FHIT: variants seen among roughly 807,000 people sequenced by gnomAD.
FHIT encodes the protein bis(5'-adenosyl)-triphosphatase.
A neutral mutation model predicts 17.9 loss-of-function variants in FHIT; 19 were observed. That is an observed-to-expected ratio of 1.06 (90% CI 0.74 to 1.56). The LOEUF is 1.56. FHIT is among the 40% of genes most tolerant of loss of function. The pLI is 0.00. For synonymous variants in FHIT, 81 were observed against 69.7 expected (o/e 1.16, Z -0.81); for missense variants, 248 against 189.2 (o/e 1.31, Z -1.82).
chr3:60,339,898 A>G (rs1710432572), intron 5 of FHIT, among the ~76,000 whole-genome samples: 1 of 152,074 alleles, frequency 6.6e-6, no homozygotes, highest in African/African-American at 2.4e-5. Flanking sequence ...TTTTTTTTTA[A>G]AGGCTTAGAA....
chr3:61,223,262 C>T (rs1266213398), intron 1 of FHIT, among the ~76,000 whole-genome samples: 1 of 152,132 alleles, frequency 6.6e-6, no homozygotes, highest in Non-Finnish European at 1.5e-5. Context: ...ATAGGCCAAG[C>T]AGCAGAACAG....
intron 5 of FHIT, among the ~76,000 whole-genome samples, chr3:60,126,060 G>A (rs528138713): frequency 4.6e-5 from 7 of 152,214 alleles, no homozygotes; most frequent in African/African-American, 1.4e-4. Context: ...TGGCCAGTGA[G>A]GGCTTCATAA....
intron 7 of FHIT, among the ~76,000 whole-genome samples, chr3:59,972,290 G>A (rs1458304714): frequency 6.6e-6 from 1 of 151,970 alleles, no homozygotes; most frequent in Non-Finnish European, 1.5e-5. Flanking sequence ...TGAGACATAG[G>A]GCCACTTAAC....
At chr3:60,691,091 G>C (rs1303792149) in intron 4 of FHIT, among the ~76,000 whole-genome samples, 2 of 152,074 alleles carry the variant, frequency 1.3e-5, no homozygotes, top group East Asian at 1.9e-4. Flanking sequence ...ATGTTGCCTG[G>C]AGTACGGAAA....
At chr3:60,703,104 T>G (rs1378767971) in intron 4 of FHIT, among the ~76,000 whole-genome samples, 1 of 152,158 alleles carries the variant, frequency 6.6e-6, no homozygotes. Context: ...CAATGACTGT[T>G]GCCCTCATAA....
At chr3:60,132,964 A>T (rs578262591) in intron 5 of FHIT, among the ~76,000 whole-genome samples, 1,534 of 152,324 alleles carry the variant, frequency 0.01, 20 homozygotes, top group African/African-American at 0.034. Flanking sequence ...ATACTGAAAT[A>T]GCATCTAAAA....
intron 4 of FHIT, among the ~76,000 whole-genome samples, chr3:60,743,929 C>A (rs1386885696): frequency 6.6e-6 from 1 of 152,146 alleles, no homozygotes; most frequent in Non-Finnish European, 1.5e-5. Flanking sequence ...CCAACTTGCT[C>A]TTTGCACAGT....
At chr3:60,005,911 G>C (rs1033117756) in intron 7 of FHIT, among the ~76,000 whole-genome samples, 2 of 152,162 alleles carry the variant, frequency 1.3e-5, no homozygotes, top group Non-Finnish European at 2.9e-5. Flanking sequence ...TTTGGGTTGA[G>C]AGCAGCAGCC....
intron 4 of FHIT, among the ~76,000 whole-genome samples, chr3:60,808,995 T>G (rs1701487452): frequency 6.6e-6 from 1 of 152,328 alleles, no homozygotes; most frequent in African/African-American, 2.4e-5. Context: ...TACTTTTGCA[T>G]TTAAAATTAT....
intron 5 of FHIT, among the ~76,000 whole-genome samples, chr3:60,212,415 A>C (rs371987638): frequency 6.6e-6 from 1 of 152,206 alleles, no homozygotes; most frequent in Admixed American, 6.5e-5. Flanking sequence ...GCTAATGTAC[A>C]TGACAGCAGA....
At chr3:61,034,563 A>C (rs2033154181) in intron 3 of FHIT, among the ~76,000 whole-genome samples, 2 of 152,222 alleles carry the variant, frequency 1.3e-5, no homozygotes, top group South Asian at 4.1e-4. Context: ...GGAAATGCAA[A>C]TGAAAACCAC....
chr3:60,312,537 T>C (rs1302136242), intron 5 of FHIT, among the ~76,000 whole-genome samples: 3 of 152,216 alleles, frequency 2.0e-5, no homozygotes, highest in South Asian at 2.1e-4. Context: ...ACCAGGAAAG[T>C]GTTTTTGCAA....
chr3:60,400,581 A>T (rs1449993130), intron 5 of FHIT, among the ~76,000 whole-genome samples: 2 of 152,148 alleles, frequency 1.3e-5, no homozygotes, highest in South Asian at 2.1e-4. Context: ...CAAGGGGAAG[A>T]GCTGAGCAGA....
intron 2 of FHIT, among the ~76,000 whole-genome samples, chr3:61,118,241 A>G (rs2036357915): frequency 2.0e-5 from 3 of 152,192 alleles, no homozygotes; most frequent in African/African-American, 7.2e-5. Flanking sequence ...CGTGCCTTTC[A>G]CACAAAAGGT....
intron 7 of FHIT, among the ~76,000 whole-genome samples, chr3:59,929,692 C>T (rs181452815): frequency 7.3e-4 from 111 of 152,096 alleles, no homozygotes; most frequent in Middle Eastern, 3.4e-3. Context: ...TGTAATGTAA[C>T]AATAAGATTG....
intron 2 of FHIT, among the ~76,000 whole-genome samples, chr3:61,130,445 T>A (rs72877897): frequency 0.12 from 17,896 of 152,256 alleles, 1,058 homozygotes; most frequent in South Asian, 0.2. Context: ...TGAATTCCGG[T>A]ACACCTCCTA....
chr3:60,630,375 C>T (rs2039406919), intron 4 of FHIT, among the ~76,000 whole-genome samples: 1 of 152,168 alleles, frequency 6.6e-6, no homozygotes, highest in Admixed American at 6.5e-5. Flanking sequence ...ACTAAAATGC[C>T]TAAGCAATGC....
chr3:60,590,702 T>C (rs1314247008), intron 4 of FHIT, among the ~76,000 whole-genome samples: 3 of 151,994 alleles, frequency 2.0e-5, no homozygotes, highest in Non-Finnish European at 4.4e-5. Context: ...TCTAGAAAAA[T>C]ACATTAATTC....
At chr3:59,981,241 A>G (rs1559518096) in intron 7 of FHIT, among the ~76,000 whole-genome samples, 2 of 152,252 alleles carry the variant, frequency 1.3e-5, no homozygotes, top group East Asian at 1.9e-4. Flanking sequence ...ATCCAGACAC[A>G]TTTTTTTTAA....
Sources: allele counts gnomAD v4.1 joint callset (sites outside exome capture counted in the v4.1 genomes callset), GRCh38; gene constraint gnomAD v4.1.1; transcripts MANE v1.5; gene names NCBI Gene and HGNC (gene_info 2026-07-23, HGNC 2026-07-21).